The following BTBD16 variants were observed in gnomAD, a reference collection of about 807,000 sequenced individuals.
BTBD16 encodes BTB/POZ domain-containing protein 16.
BTBD16 carries 66 observed loss-of-function variants against 67.4 expected under a neutral mutation model. That is an observed-to-expected ratio of 0.98 (90% CI 0.80 to 1.20). The LOEUF is 1.20. Ranked by LOEUF, BTBD16 falls within the 50% of genes most tolerant of loss-of-function variation. The probability of loss-of-function intolerance (pLI) is 0.00; values close to 1 mark genes in which losing one functional copy is unlikely to be tolerated. For synonymous variants in BTBD16, 242 were observed against 236.4 expected (o/e 1.02, Z -0.22); for missense variants, 634 against 616.0 (o/e 1.03, Z -0.31).
chr10:122,329,631 C>A, intron 11 of BTBD16, 60 bp downstream of exon 11: 5 of 1,425,390 alleles, frequency 3.5e-6, no homozygotes, highest in Non-Finnish European at 4.9e-6. Context: ...TGCCCACCCC[C>A]CAGCCACTGC....
chr10:122,304,844 C>T (rs1055039930), intron 9 of BTBD16, among the ~76,000 whole-genome samples: 8 of 152,124 alleles, frequency 5.3e-5, no homozygotes, highest in South Asian at 2.1e-4. Flanking sequence ...TGAGCCACTG[C>T]GCCTGGCCAG....
intron 3 of BTBD16, among the ~76,000 whole-genome samples, chr10:122,282,716 G>A (rs1174048284): frequency 6.6e-6 from 1 of 152,242 alleles, no homozygotes; most frequent in African/African-American, 2.4e-5. Flanking sequence ...ATGATGGCTT[G>A]TGCCAGGGTC....
intron 1 of BTBD16, among the ~76,000 whole-genome samples, chr10:122,272,593 G>A (rs1384954166): frequency 1.3e-5 from 2 of 151,904 alleles, no homozygotes; most frequent in East Asian, 3.9e-4. Context: ...CACCTGCCTT[G>A]GCCTCCCAAA....
chr10:122,323,776 G>A (rs1360154068), intron 10 of BTBD16, among the ~76,000 whole-genome samples: 1 of 152,168 alleles, frequency 6.6e-6, no homozygotes, highest in African/African-American at 2.4e-5. Flanking sequence ...TCATTTTGCA[G>A]TTGAATAAGC....
chr10:122,285,781 G>A (rs577801214), intron 4 of BTBD16, among the ~76,000 whole-genome samples: 25 of 152,234 alleles, frequency 1.6e-4, no homozygotes, highest in South Asian at 1.0e-3. Context: ...CAATGTCCTC[G>A]TTCCATGAAG....
At chr10:122,286,753 C>T (rs78653376) in intron 5 of BTBD16, among the ~76,000 whole-genome samples, 4,798 of 152,158 alleles carry the variant, frequency 0.032, 208 homozygotes, top group Non-Finnish European at 0.036. Flanking sequence ...CTTCTCTTCT[C>T]GTCTCTCTTC....
intron 9 of BTBD16, among the ~76,000 whole-genome samples, chr10:122,303,046 C>T (rs1334619581): frequency 6.6e-6 from 1 of 152,076 alleles, no homozygotes; most frequent in African/African-American, 2.4e-5. Flanking sequence ...AGTATATCTC[C>T]TTGTAGTTTC....
intron 13 of BTBD16, among the ~76,000 whole-genome samples, chr10:122,334,074 GT>G (rs1220937416): frequency 6.6e-6 from 1 of 151,852 alleles, no homozygotes; most frequent in Non-Finnish European, 1.5e-5. Flanking sequence ...AAGGATTTCA[GT>G]TTAGCTTTCC....
At chr10:122,299,389 C>T (rs12217181) in intron 9 of BTBD16, among the ~76,000 whole-genome samples, 6,179 of 152,076 alleles carry the variant, frequency 0.041, 374 homozygotes, top group East Asian at 0.23. Context: ...CACCTGGGTG[C>T]GAAAAATGAA....
intron 7 of BTBD16, among the ~76,000 whole-genome samples, chr10:122,295,824 G>C (rs1003558215): frequency 6.6e-6 from 1 of 152,114 alleles, no homozygotes; most frequent in Admixed American, 6.6e-5. Context: ...CTGAAGGGCC[G>C]ATCCTAGCAC....
At chr10:122,318,579 G>A (rs1322243744) in intron 10 of BTBD16, among the ~76,000 whole-genome samples, 5 of 151,972 alleles carry the variant, frequency 3.3e-5, no homozygotes, top group Non-Finnish European at 5.9e-5. Flanking sequence ...CAATGTGGTT[G>A]GACTATTTTT....
chr10:122,286,015 C>T lies in BTBD16; in HGVS notation c.242-90C>T, dbSNP rs554450455. ...CTGCTTCATGTGCTTAATGATCCAC[C>T]GAGCAAAGGAGCTGGGGGAGAGGAA... On this transcript the variant is annotated intron_variant, in intron 4 of 15. Coordinates refer to ENST00000260723, the MANE Select transcript of BTBD16 (RefSeq NM_144587.5). 1.4e-5 allele frequency: 18 copies of T among 1,286,986 alleles called. No homozygotes were observed. In the African/African-American group the frequency reaches 2.1e-4, roughly 15 times the overall value. 79.7% of individuals were successfully genotyped at this position (1,286,986 alleles called of 1,614,324 possible). A position where few individuals can be genotyped will look rare whatever the true frequency, so the allele number is the denominator to read the frequency against.
intron 5 of BTBD16, chr10:122,287,338 C>A: frequency 1.3e-6 from 1 of 749,422 alleles, no homozygotes; most frequent in Non-Finnish European, 1.6e-6. Flanking sequence ...CATGGAAAAG[C>A]AGGAGAATTT....
chr10:122,291,112 A>G lies in BTBD16; in HGVS notation c.508A>G (p.Ser170Gly). The G allele has an allele frequency of 6.2e-7, 1 of 1,613,408 alleles. No individual in the cohort carries two copies. The highest frequency in any genetic ancestry group is 1.1e-5 in the South Asian group (1 of 90,846). ...CACGGCCCTGAAGAACCTCTACATG[A>G]GTGAGGTGGAGATTAACTTGGAAGA... The part of the protein sequence containing the change: ...FATALKNLYM[S>G]EVEINLEDLL... Residue 170 changes from serine (S) to glycine (G), a missense_variant, in exon 7 of 16, where the codon AGT (serine) becomes GGT (glycine). Physicochemically the swap from Ser to Gly is moderately conservative, Grantham distance 56 (BLOSUM62 0). Transcript: ENST00000260723.
rs201539893 is a variant in BTBD16 at position 122,275,101 on chromosome 10, T to C, written c.18+2T>C. 54 of 1,613,624 alleles carry C rather than the reference T, an allele frequency of 3.3e-5. No individual in the cohort carries two copies. The highest frequency in any genetic ancestry group is 4.6e-5 in the Non-Finnish European group (54 of 1,179,726). On this transcript the variant is annotated splice_donor_variant, in intron 2 of 15. Transcript: ENST00000260723. LOFTEE classifies it high-confidence loss of function. ...TCATTCATGATAATGTCGAACACGG[T>C]GAGTAGATCAGTTTCTCAAGAAGGT...
intron 10 of BTBD16, among the ~76,000 whole-genome samples, chr10:122,313,103 C>T (rs2096417107): frequency 6.6e-6 from 1 of 151,906 alleles, no homozygotes; most frequent in South Asian, 2.1e-4. Flanking sequence ...GTCTCGAACT[C>T]CTGATCCAGG....
intron 15 of BTBD16, among the ~76,000 whole-genome samples, chr10:122,337,200 C>T (rs1348335960): frequency 6.6e-6 from 1 of 152,208 alleles, no homozygotes; most frequent in Non-Finnish European, 1.5e-5. Context: ...AATTCCTGGT[C>T]CTGATTGCAC....
Position 122,276,909 on chromosome 10 carries a change from ACTTTGAGGAAG to A in BTBD16, c.148_158del (p.Ala50ProfsTer15), listed in dbSNP as rs2096341839. On this transcript the variant is annotated frameshift_variant, in exon 3 of 16. Coordinates refer to ENST00000260723, the MANE Select transcript of BTBD16 (RefSeq NM_144587.5). LOFTEE classifies it high-confidence loss of function. ...CAGATGTGCAAGGCTCTGAGCATAG[ACTTTGAGGAAG>A]CTTTGAGGAACCCAGACAGGTATGG... 6.2e-7 allele frequency: 1 copy of A among 1,614,134 alleles called. No individual in the cohort carries two copies. The highest frequency in any genetic ancestry group is 8.5e-7 in the Non-Finnish European group (1 of 1,180,022).
Position 122,331,070 on chromosome 10 carries a change from C to T in BTBD16, c.1004-106C>T, listed in dbSNP as rs2096454273. On this transcript the variant is annotated intron_variant, in intron 11 of 15. Coordinates refer to ENST00000260723, the MANE Select transcript of BTBD16 (RefSeq NM_144587.5). Reference sequence around the variant, plus strand: ...CTTAAAGGAGACCATCCACCCCTTTCCCTTCCCTCAGCTCCGGACTTCTTC... The same window carrying T: ...CTTAAAGGAGACCATCCACCCCTTTTCCTTCCCTCAGCTCCGGACTTCTTC... The T allele has an allele frequency of 5.5e-6, 8 of 1,462,522 alleles. No homozygotes were observed. The South Asian group carries it at 1.1e-4, about 21-fold the overall frequency. The allele number at this position is 1,462,522 out of a possible 1,614,324, so 90.6% of individuals were successfully genotyped here.
Sources: gnomAD v4.1 joint callset for allele counts (sites outside exome capture counted in the v4.1 genomes callset) on GRCh38, gnomAD v4.1.1 for gene constraint, MANE v1.5 for transcripts, NCBI Gene and HGNC (gene_info 2026-07-23, HGNC 2026-07-21) for gene names.